The following CTNNA2 variants were observed in gnomAD, a reference collection of about 807,000 sequenced individuals.
The protein encoded by CTNNA2 is catenin alpha-2.
In CTNNA2, 42 loss-of-function variants were observed where a neutral mutation model predicts 101.0. That is an observed-to-expected ratio of 0.42 (90% CI 0.32 to 0.54). The LOEUF is 0.54. Ranked by LOEUF, CTNNA2 falls within the 20% of genes least tolerant of loss-of-function variation. CTNNA2 has a pLI of 0.14. For synonymous variants in CTNNA2, 450 were observed against 456.4 expected, an observed-to-expected ratio of 0.99 and a Z score of 0.18; for missense variants, 871 against 1,223.1, an observed-to-expected ratio of 0.71 and a Z score of 4.29.
At chr2:80,365,656 T>TA (rs1392257843) in intron 7 of CTNNA2, among the ~76,000 whole-genome samples, 4 of 151,880 alleles carry the variant, frequency 2.6e-5, no homozygotes, top group East Asian at 1.9e-4. Flanking sequence ...TAGACACTTT[T>TA]AAAAAAAAGA....
intron 7 of CTNNA2, among the ~76,000 whole-genome samples, chr2:80,187,959 A>G (rs1706240824): frequency 1.3e-5 from 2 of 152,162 alleles, no homozygotes; most frequent in South Asian, 2.1e-4. Flanking sequence ...TATGTTCCCA[A>G]GACATCAGAA....
chr2:80,162,447 G>A, intron 7 of CTNNA2: 2 of 1,583,280 alleles, frequency 1.3e-6, no homozygotes, highest in Non-Finnish European at 8.6e-7. Context: ...TTTAACATGT[G>A]TTAGTGTCGA....
At chr2:80,167,353 A>G (rs963733100) in intron 7 of CTNNA2, among the ~76,000 whole-genome samples, 4 of 152,362 alleles carry the variant, frequency 2.6e-5, no homozygotes, top group Admixed American at 2.6e-4. Context: ...TTATTTTATC[A>G]AAAAGTTTTA....
At chr2:79,626,647 G>A (rs2104326182) in intron 1 of CTNNA2, among the ~76,000 whole-genome samples, 1 of 151,142 alleles carries the variant, frequency 6.6e-6, no homozygotes, top group East Asian at 1.9e-4. Context: ...GTGTGTGTGT[G>A]TGTGTGTGTC....
At chr2:79,570,579 C>G (rs1462443203) in intron 1 of CTNNA2, among the ~76,000 whole-genome samples, 2 of 151,996 alleles carry the variant, frequency 1.3e-5, no homozygotes, top group Non-Finnish European at 2.9e-5. Flanking sequence ...ATAATTGACA[C>G]TAGGTTTAGA....
chr2:79,689,817 A>C (rs1684172152), intron 2 of CTNNA2, among the ~76,000 whole-genome samples: 1 of 152,150 alleles, frequency 6.6e-6, no homozygotes, highest in Non-Finnish European at 1.5e-5. Flanking sequence ...TGAAAGTTAT[A>C]ATAATTCAAT....
intron 7 of CTNNA2, among the ~76,000 whole-genome samples, chr2:79,952,719 G>T (rs1383243753): frequency 6.6e-6 from 1 of 152,174 alleles, no homozygotes; most frequent in Non-Finnish European, 1.5e-5. Context: ...AACAGGGCTG[G>T]CAAACTATGG....
At chr2:79,925,331 A>G (rs1686952318) in intron 7 of CTNNA2, among the ~76,000 whole-genome samples, 1 of 152,120 alleles carries the variant, frequency 6.6e-6, no homozygotes, top group East Asian at 1.9e-4. Flanking sequence ...GATATTTCTA[A>G]CAATTCATAT....
At chr2:80,482,092 AT>A (rs1260125149) in intron 9 of CTNNA2, among the ~76,000 whole-genome samples, 1 of 151,984 alleles carries the variant, frequency 6.6e-6, no homozygotes, top group Non-Finnish European at 1.5e-5. Context: ...ATTTAATTTA[AT>A]TTAATTTAAT....
At chr2:79,938,541 G>T (rs954535391) in intron 7 of CTNNA2, among the ~76,000 whole-genome samples, 2 of 152,292 alleles carry the variant, frequency 1.3e-5, no homozygotes, top group Admixed American at 6.5e-5. Context: ...AGAGTGAACC[G>T]AATTGTAAGA....
At chr2:80,527,317 G>T (rs569538318) in intron 9 of CTNNA2, among the ~76,000 whole-genome samples, 3 of 152,188 alleles carry the variant, frequency 2.0e-5, no homozygotes, top group African/African-American at 7.2e-5. Flanking sequence ...AAAGTGAAGC[G>T]TTTGTGGTAG....
chr2:79,704,531 G>A (rs1319348472), intron 2 of CTNNA2, among the ~76,000 whole-genome samples: 2 of 36,618 alleles, frequency 5.5e-5, no homozygotes, highest in African/African-American at 2.2e-4. Flanking sequence ...TTTTTTTTTT[G>A]AGACGGAGTC....
chr2:79,870,044 C>A, intron 5 of CTNNA2, 109 bp downstream of exon 5: 1 of 1,373,182 alleles, frequency 7.3e-7, no homozygotes. Flanking sequence ...CTATCAAATG[C>A]CCTAAGAACC....
chr2:79,993,084 G>A (rs1010801728), intron 7 of CTNNA2, among the ~76,000 whole-genome samples: 27 of 152,248 alleles, frequency 1.8e-4, no homozygotes, highest in African/African-American at 6.5e-4. Context: ...GAGGGGAAGA[G>A]CAGGAAAAAA....
intron 7 of CTNNA2, among the ~76,000 whole-genome samples, chr2:80,005,089 G>A (rs1471719723): frequency 6.6e-6 from 1 of 152,170 alleles, no homozygotes; most frequent in Non-Finnish European, 1.5e-5. Context: ...CCCTAATTGG[G>A]AGGCTGGAAT....
intron 4 of CTNNA2, among the ~76,000 whole-genome samples, chr2:79,452,734 G>T (rs1386652119): frequency 6.6e-6 from 1 of 151,848 alleles, no homozygotes; most frequent in Admixed American, 6.6e-5. Context: ...ACATCTGAAG[G>T]GCAGCATGGT....
At chr2:80,354,560 A>C (rs1188891897) in intron 7 of CTNNA2, among the ~76,000 whole-genome samples, 1 of 152,280 alleles carries the variant, frequency 6.6e-6, no homozygotes, top group Admixed American at 6.5e-5. Context: ...TGTTGTGAGG[A>C]TTGTGAAAGC....
chr2:79,912,957 T>G (rs1253364307), intron 7 of CTNNA2, among the ~76,000 whole-genome samples: 1 of 152,202 alleles, frequency 6.6e-6, no homozygotes, highest in Non-Finnish European at 1.5e-5. Flanking sequence ...GAATGCAAAT[T>G]TAGAATATTT....
chr2:79,313,851 C>A (rs1676436824), intron 3 of CTNNA2, among the ~76,000 whole-genome samples: 1 of 151,986 alleles, frequency 6.6e-6, no homozygotes, highest in African/African-American at 2.4e-5. Flanking sequence ...GAGAAGTGCA[C>A]AAAGAGAAAC....
Sources: allele counts gnomAD v4.1 joint callset (sites outside exome capture counted in the v4.1 genomes callset), GRCh38; gene constraint gnomAD v4.1.1; transcripts MANE v1.5; gene names NCBI Gene and HGNC (gene_info 2026-07-23, HGNC 2026-07-21).